The following CTNNA2 variants were observed in gnomAD, a reference collection of about 807,000 sequenced individuals.
CTNNA2 encodes the protein catenin alpha-2.
Under a neutral mutation model 101.0 loss-of-function variants are expected in CTNNA2, and 42 were observed. The observed-to-expected ratio is 0.42, with a 90% CI of 0.32 to 0.54. CTNNA2 has a LOEUF of 0.54. CTNNA2 is among the 20% of genes least tolerant of loss of function. The pLI is 0.14. For synonymous variants in CTNNA2, 450 were observed against 456.4 expected, an observed-to-expected ratio of 0.99 and a Z score of 0.18; for missense variants, 871 against 1,223.1, an observed-to-expected ratio of 0.71 and a Z score of 4.29.
At chr2:79,976,948 G>A (rs1175682971) in intron 7 of CTNNA2, among the ~76,000 whole-genome samples, 1 of 152,092 alleles carries the variant, frequency 6.6e-6, no homozygotes, top group Admixed American at 6.5e-5. Flanking sequence ...TTAAATATGA[G>A]ACTTGTTCTC....
intron 3 of CTNNA2, among the ~76,000 whole-genome samples, chr2:79,800,002 C>G (rs1676033165): frequency 6.6e-6 from 1 of 152,118 alleles, no homozygotes; most frequent in East Asian, 1.9e-4. Flanking sequence ...GGCCAAGTGA[C>G]TGATACAGTT....
intron 3 of CTNNA2, among the ~76,000 whole-genome samples, chr2:79,361,568 G>A (rs769424373): frequency 4.6e-5 from 7 of 152,150 alleles, no homozygotes; most frequent in Non-Finnish European, 7.4e-5. Context: ...GTCAGCTGGT[G>A]TTCATATTCA....
chr2:80,145,195 A>C (rs1300084760), intron 7 of CTNNA2, among the ~76,000 whole-genome samples: 2 of 152,156 alleles, frequency 1.3e-5, no homozygotes, highest in Non-Finnish European at 2.9e-5. Context: ...GATCTATATA[A>C]AATCCACTGC....
chr2:79,997,989 C>T (rs765158163), intron 7 of CTNNA2, among the ~76,000 whole-genome samples: 4 of 152,026 alleles, frequency 2.6e-5, no homozygotes, highest in Admixed American at 6.6e-5. Flanking sequence ...AATAGTTAAC[C>T]GAGACTTTTG....
Position 80,567,926 on chromosome 2 carries a change from G to A in CTNNA2, c.1742-6237G>A, listed in dbSNP as rs567736671. On this transcript the variant is annotated intron_variant, in intron 12 of 18. Coordinates refer to ENST00000402739, the MANE Select transcript of CTNNA2 (RefSeq NM_001282597.3). The stretch of plus-strand genomic sequence containing the variant: ...AGTTACTAAACTGTTTATCTCTCTC[G>A]AACAGGGGCTTTGTCTATTTTCTTT... Among the ~76,000 whole-genome samples the A allele has an allele frequency of 1.6e-3, 240 of 151,716 alleles. 1 individual carries two copies. The highest frequency in any genetic ancestry group is 2.9e-3 in the African/African-American group (120 of 41,348).
intron 7 of CTNNA2, among the ~76,000 whole-genome samples, chr2:80,084,259 T>G (rs1019798350): frequency 5.3e-5 from 8 of 152,172 alleles, no homozygotes; most frequent in Non-Finnish European, 1.0e-4. Context: ...GGCACTCTAG[T>G]AATCATCTGG....
intron 1 of CTNNA2, among the ~76,000 whole-genome samples, chr2:79,558,808 G>A (rs1336723003): frequency 6.6e-6 from 1 of 151,888 alleles, no homozygotes; most frequent in Non-Finnish European, 1.5e-5. Context: ...TTGGGTAATG[G>A]TGGTGAATAA....
chr2:79,965,650 G>A (rs563539103), intron 7 of CTNNA2, among the ~76,000 whole-genome samples: 88 of 151,704 alleles, frequency 5.8e-4, no homozygotes, highest in African/African-American at 1.9e-3. Flanking sequence ...ATAGAGAAAC[G>A]CTGTCTCTAC....
chr2:80,281,062 A>G (rs868619327), intron 7 of CTNNA2, among the ~76,000 whole-genome samples: 1 of 152,200 alleles, frequency 6.6e-6, no homozygotes, highest in African/African-American at 2.4e-5. Flanking sequence ...TTCTCAAGAG[A>G]GCCATAAAAT....
chr2:80,131,056 T>A (rs149497987), intron 7 of CTNNA2, among the ~76,000 whole-genome samples: 295 of 152,012 alleles, frequency 1.9e-3, no homozygotes, highest in African/African-American at 6.9e-3. Flanking sequence ...TGTTTTTTTG[T>A]TTGTTTGTTT....
chr2:79,200,968 C>A (rs1674026235), intron 2 of CTNNA2, among the ~76,000 whole-genome samples: 1 of 152,158 alleles, frequency 6.6e-6, no homozygotes, highest in Non-Finnish European at 1.5e-5. Context: ...GATGTCAGAA[C>A]CTTAGCTATG....
At chr2:79,527,400 A>G (rs1171531176) in intron 1 of CTNNA2, among the ~76,000 whole-genome samples, 1 of 149,358 alleles carries the variant, frequency 6.7e-6, no homozygotes, top group Non-Finnish European at 1.5e-5. Context: ...TGGGAGGCCA[A>G]GGCGGTGGAT....
chr2:79,189,637 T>C (rs1025132852), intron 1 of CTNNA2, among the ~76,000 whole-genome samples: 1 of 152,188 alleles, frequency 6.6e-6, no homozygotes, highest in Non-Finnish European at 1.5e-5. Context: ...AGACCATCTG[T>C]GTTTGGTAAT....
chr2:79,518,570 A>G (rs1351831556), intron 1 of CTNNA2, among the ~76,000 whole-genome samples: 1 of 152,168 alleles, frequency 6.6e-6, no homozygotes, highest in Non-Finnish European at 1.5e-5. Context: ...TTGTTCTTCC[A>G]CATCCCACCC....
At chr2:80,024,357 GA>G in intron 7 of CTNNA2, among the ~76,000 whole-genome samples, 1 of 152,294 alleles carries the variant, frequency 6.6e-6, no homozygotes, top group East Asian at 1.9e-4. Flanking sequence ...TAGAGGATTA[GA>G]ACAGGCTTAT....
chr2:80,223,987 C>A (rs1035543379), intron 7 of CTNNA2, among the ~76,000 whole-genome samples: 1 of 152,170 alleles, frequency 6.6e-6, no homozygotes, highest in Non-Finnish European at 1.5e-5. Flanking sequence ...AGTGCCAGTT[C>A]CTAGTGTGCC....
At chr2:79,365,006 G>T (rs946632855) in intron 3 of CTNNA2, among the ~76,000 whole-genome samples, 1 of 152,148 alleles carries the variant, frequency 6.6e-6, no homozygotes, top group Non-Finnish European at 1.5e-5. Context: ...GCTGGGCACA[G>T]TGGCTTATGC....
intron 2 of CTNNA2, chr2:79,687,876 T>C (rs1684043451): frequency 2.8e-6 from 1 of 353,026 alleles, no homozygotes; most frequent in Non-Finnish European, 5.1e-6. Flanking sequence ...CCGGAATAGA[T>C]AAGATATGAA....
chr2:79,363,718 G>A (rs745498086), intron 3 of CTNNA2, among the ~76,000 whole-genome samples: 1 of 152,118 alleles, frequency 6.6e-6, no homozygotes, highest in Non-Finnish European at 1.5e-5. Context: ...CTAGGGCCAA[G>A]GTCCCTAGAT....
Sources: allele counts gnomAD v4.1 joint callset (sites outside exome capture counted in the v4.1 genomes callset), GRCh38; gene constraint gnomAD v4.1.1; transcripts MANE v1.5; gene names NCBI Gene and HGNC (gene_info 2026-07-23, HGNC 2026-07-21).